Variants in PGM1 observed in about 807,000 individuals in gnomAD.
PGM1 encodes the protein phosphoglucomutase 1.
Under a neutral mutation model 55.6 loss-of-function variants are expected in PGM1, and 52 were observed. The ratio of observed to expected loss-of-function variants is 0.94; its 90% CI spans 0.75 to 1.18. The LOEUF (loss-of-function observed/expected upper bound fraction) is 1.18. PGM1 is among the 50% of genes most tolerant of loss of function. The probability of loss-of-function intolerance (pLI) is 0.00; values close to 1 mark genes in which losing one functional copy is unlikely to be tolerated. For synonymous variants in PGM1, 287 were observed against 271.7 expected, an observed-to-expected ratio of 1.06 and a Z score of -0.55; for missense variants, 724 against 729.3, an observed-to-expected ratio of 0.99 and a Z score of 0.08.
chr1:63,629,114 G>A (rs182444292), intron 1 of PGM1, among the ~76,000 whole-genome samples: 14 of 152,142 alleles, frequency 9.2e-5, no homozygotes, highest in East Asian at 3.9e-4. Flanking sequence ...TTGTGGCCCC[G>A]ATCTGGAAAG....
intron 1 of PGM1, among the ~76,000 whole-genome samples, chr1:63,597,273 G>A (rs184241856): frequency 6.6e-5 from 10 of 152,286 alleles, no homozygotes; most frequent in Admixed American, 2.6e-4. Flanking sequence ...GGAATTCTTA[G>A]CAGAATGAAT....
At chr1:63,598,175 A>G (rs1648137294) in intron 1 of PGM1, among the ~76,000 whole-genome samples, 2 of 152,186 alleles carry the variant, frequency 1.3e-5, no homozygotes, top group South Asian at 2.1e-4. Flanking sequence ...GGTTTCACCA[A>G]GTTGCCCAGG....
intron 1 of PGM1, among the ~76,000 whole-genome samples, 155 bp from the exon 2 acceptor site, chr1:63,629,270 C>T (rs1463965284): frequency 6.6e-6 from 1 of 152,130 alleles, no homozygotes; most frequent in African/African-American, 2.4e-5. Flanking sequence ...TGGAGACATC[C>T]AAGCTGCAGA....
At chr1:63,598,922 C>T (rs1305426190) in intron 1 of PGM1, among the ~76,000 whole-genome samples, 1 of 152,208 alleles carries the variant, frequency 6.6e-6, no homozygotes, top group Non-Finnish European at 1.5e-5. Context: ...ACTCCACTGT[C>T]TCCCGCTTGA....
At chr1:63,608,955 G>C (rs1006988635) in intron 1 of PGM1, among the ~76,000 whole-genome samples, 1 of 152,172 alleles carries the variant, frequency 6.6e-6, no homozygotes, top group Non-Finnish European at 1.5e-5. Flanking sequence ...ATTGTAACTG[G>C]TTAGTAAAGA....
At chr1:63,633,922 A>G (rs1482666983) in intron 4 of PGM1, among the ~76,000 whole-genome samples, 13 of 57,032 alleles carry the variant, frequency 2.3e-4, no homozygotes, top group African/African-American at 6.9e-4. Context: ...GTGTGTGTAT[A>G]TATATATATA....
chr1:63,654,239 G>T, intron 9 of PGM1, 93 bp from the exon 10 acceptor site: 1 of 1,270,016 alleles, frequency 7.9e-7, no homozygotes, highest in South Asian at 1.2e-5. Context: ...AACAAGTATG[G>T]ATGAAATTAC....
rs542323841 is a variant in PGM1 at position 63,649,136 on chromosome 1, TC to T, written c.1280+485del. Among the ~76,000 whole-genome samples the T allele has an allele frequency of 2.2e-4, 33 of 152,350 alleles. 1 individual carries two copies. The South Asian group carries it at 6.8e-3, about 32-fold the overall frequency. ...GCACTGAAAGCCTAGAAACTTTTTT[TC>T]ATAAATTATAGAAACAGTTATGCTT... On this transcript the variant is annotated intron_variant, in intron 8 of 10. Coordinates refer to ENST00000371084, the MANE Select transcript of PGM1 (RefSeq NM_002633.3).
Position 63,651,744 on chromosome 1 carries a change from C to T in PGM1, c.1356C>T (p.Arg452=), listed in dbSNP as rs1353702224. The T allele has an allele frequency of 1.1e-5, 17 of 1,613,758 alleles. No individual in the cohort carries two copies. The highest frequency in any genetic ancestry group is 1.4e-5 in the Non-Finnish European group (16 of 1,179,832). ...ACTTGGAGGCCCTGATGTTTGATCGCTCCTTTGTGGGGAAGCAGTTCTCAG... is the reference window on the plus strand; with the variant it reads ...ACTTGGAGGCCCTGATGTTTGATCGTTCCTTTGTGGGGAAGCAGTTCTCAG... The part of the protein sequence containing the change: ...MKDLEALMFD[R]SFVGKQFSAN... The change falls in exon 9 of 11, where the codon CGC becomes CGT. Residue 452 remains arginine (R), a synonymous_variant. Transcript: ENST00000371084.
chr1:63,629,704 G>T (rs1033080878), intron 2 of PGM1, 117 bp downstream of exon 2: 4 of 1,067,432 alleles, frequency 3.7e-6, no homozygotes, highest in Admixed American at 1.9e-5. Context: ...GTAGGGAGGT[G>T]CTCTTTGCTT....
chr1:63,646,799 A>G (rs1397887138), intron 7 of PGM1, among the ~76,000 whole-genome samples: 13 of 152,234 alleles, frequency 8.5e-5, no homozygotes, highest in Non-Finnish European at 1.9e-4. Context: ...GCTTTTTATT[A>G]TACTAATTGG....
chr1:63,644,881 G>A (rs746853621), intron 7 of PGM1, among the ~76,000 whole-genome samples: 1 of 152,122 alleles, frequency 6.6e-6, no homozygotes, highest in African/African-American at 2.4e-5. Flanking sequence ...CCAAATTCAA[G>A]TAGTTTACAA....
intron 1 of PGM1, chr1:63,600,119 G>A (rs182995362): frequency 1.3e-5 from 2 of 152,292 alleles, no homozygotes; most frequent in African/African-American, 2.4e-5. Flanking sequence ...TTCAGGAAGG[G>A]GACCTGCCGA....
In PGM1 at chr1:63,615,397, C is replaced by T. The variant is rs1648681462; in HGVS notation, c.247-14028C>T. 2.6e-5 allele frequency among the ~76,000 whole-genome samples: 4 copies of T among 152,158 alleles called. No individual in the cohort carries two copies. In the South Asian group the frequency reaches 8.3e-4, roughly 32 times the overall value. On this transcript the variant is annotated intron_variant, in intron 1 of 10. Transcript: ENST00000371084. Reference sequence around the variant, plus strand: ...ATGGAAACTCTGGCTTACAAGGACCCCATCGAAAAGGATGTTCCCTCTTTG... The same window carrying T: ...ATGGAAACTCTGGCTTACAAGGACCTCATCGAAAAGGATGTTCCCTCTTTG...
chr1:63,653,219 G>A (rs1649868772), intron 9 of PGM1, among the ~76,000 whole-genome samples: 1 of 152,208 alleles, frequency 6.6e-6, no homozygotes, highest in East Asian at 1.9e-4. Flanking sequence ...GACCAGATAG[G>A]AGGGAAAAAT....
chr1:63,636,731 A>G (rs1649374004), intron 6 of PGM1, among the ~76,000 whole-genome samples: 1 of 152,228 alleles, frequency 6.6e-6, no homozygotes, highest in Non-Finnish European at 1.5e-5. Flanking sequence ...TGCCTGGCAC[A>G]TAGTAGGACA....
intron 6 of PGM1, among the ~76,000 whole-genome samples, chr1:63,637,275 T>G (rs1258642640): frequency 6.6e-6 from 1 of 152,230 alleles, no homozygotes; most frequent in Non-Finnish European, 1.5e-5. Context: ...AGGTAAATGC[T>G]GTATTTAACA....
intron 6 of PGM1, among the ~76,000 whole-genome samples, chr1:63,637,189 T>C (rs1358196960): frequency 6.6e-6 from 1 of 152,268 alleles, no homozygotes; most frequent in East Asian, 1.9e-4. Flanking sequence ...AGCTGATATT[T>C]ATTGAACATT....
intron 9 of PGM1, among the ~76,000 whole-genome samples, chr1:63,653,391 T>C (rs1352686460): frequency 6.6e-6 from 1 of 152,216 alleles, no homozygotes; most frequent in Non-Finnish European, 1.5e-5. Context: ...TGACTAACTG[T>C]GGCATATCCT....
Sources: allele counts gnomAD v4.1 joint callset (sites outside exome capture counted in the v4.1 genomes callset), GRCh38; gene constraint gnomAD v4.1.1; transcripts MANE v1.5; gene names NCBI Gene and HGNC (gene_info 2026-07-23, HGNC 2026-07-21).